Variants in DENND2B observed in about 807,000 individuals in gnomAD.
DENND2B encodes DENN domain containing 2B.
A neutral mutation model predicts 116.0 loss-of-function variants in DENND2B; 32 were observed. The ratio of observed to expected loss-of-function variants is 0.28; its 90% CI spans 0.21 to 0.37. The LOEUF is 0.37. DENND2B is among the 10% of genes least tolerant of loss of function. DENND2B has a pLI of 1.00. For synonymous variants in DENND2B, 588 were observed against 583.9 expected, an observed-to-expected ratio of 1.01 and a Z score of -0.10; for missense variants, 1,276 against 1,477.7, an observed-to-expected ratio of 0.86 and a Z score of 2.24.
chr11:8,760,948 A>G (rs773888866), intron 1 of DENND2B, among the ~76,000 whole-genome samples: 4 of 152,214 alleles, frequency 2.6e-5, no homozygotes, highest in Admixed American at 6.5e-5. Flanking sequence ...CATAATAATC[A>G]GAAAAAAAAG....
upstream of DENND2B, chr11:8,811,318 A>C (rs1436483788): frequency 5.0e-6 from 2 of 398,444 alleles, no homozygotes; most frequent in African/African-American, 4.1e-5. Context: ...GGTGGCGCCT[A>C]AGCAGTCTCT....
At chr11:8,789,685 A>G (rs936171089) in intron 1 of DENND2B, among the ~76,000 whole-genome samples, 1 of 152,218 alleles carries the variant, frequency 6.6e-6, no homozygotes, top group Non-Finnish European at 1.5e-5. Flanking sequence ...AGACAAATCC[A>G]TAATGTGAAA....
At chr11:8,906,492 C>G (rs915864536) in intron 1 of DENND2B, among the ~76,000 whole-genome samples, 3 of 141,226 alleles carry the variant, frequency 2.1e-5, no homozygotes, top group African/African-American at 7.8e-5. Flanking sequence ...AGCCACCGCG[C>G]CCAGCCAAGA....
intron 1 of DENND2B, among the ~76,000 whole-genome samples, chr11:8,906,361 A>G (rs2064237862): frequency 6.6e-6 from 1 of 151,442 alleles, no homozygotes; most frequent in African/African-American, 2.4e-5. Flanking sequence ...CACCACGCCC[A>G]GCTAATTTTT....
intron 1 of DENND2B, among the ~76,000 whole-genome samples, chr11:8,772,092 G>A (rs937252124): frequency 3.3e-5 from 5 of 151,194 alleles, no homozygotes; most frequent in Admixed American, 2.0e-4. Context: ...TCAAGGTGCC[G>A]GGAGGGTGGT....
rs2040371722 is a variant in DENND2B at position 8,696,434 on chromosome 11, C to T, written c.3285G>A (p.Arg1095=). ...FIQDRELRKC[R]AKGLFEQRVE... ...CTGATAACCAAGACTTACCCTTTGC[C>T]CGACACTTTCTTAGCTCCCTGTCTT... is the stretch of plus-strand genomic sequence containing the variant. Residue 1095 remains arginine (R), a synonymous_variant, in exon 18 of 20, where the codon CGG becomes CGA. Coordinates refer to ENST00000313726, the MANE Select transcript of DENND2B (RefSeq NM_213618.2). The T allele has an allele frequency of 6.2e-7, 1 of 1,614,128 alleles. No individual in the cohort carries two copies. Among genetic ancestry groups the T allele is most frequent in the African/African-American group, 1.3e-5 (1 of 75,032 alleles).
intron 4 of DENND2B, among the ~76,000 whole-genome samples, chr11:8,724,958 C>A (rs986862567): frequency 6.6e-6 from 1 of 152,228 alleles, no homozygotes; most frequent in African/African-American, 2.4e-5. Flanking sequence ...TCCACCTGGG[C>A]CTTCTCCACA....
chr11:8,883,958 AC>A (rs1481373331), intron 1 of DENND2B, among the ~76,000 whole-genome samples: 1 of 152,180 alleles, frequency 6.6e-6, no homozygotes, highest in Non-Finnish European at 1.5e-5. Flanking sequence ...AAATGAAGAC[AC>A]CCCATTCTTT....
intron 1 of DENND2B, among the ~76,000 whole-genome samples, chr11:8,881,444 T>C (rs1188513903): frequency 2.0e-5 from 3 of 152,216 alleles, no homozygotes; most frequent in Non-Finnish European, 4.4e-5. Flanking sequence ...TTCTACTGTA[T>C]GGGAAATTTT....
chr11:8,697,571 C>T lies in DENND2B; in HGVS notation c.3006G>A (p.Arg1002=), dbSNP rs2040598239. The change falls in exon 17 of 20, where the codon AGG becomes AGA. Residue 1002 remains arginine, a synonymous_variant. Transcript: ENST00000313726. ...AGTCCTGGGAGATCAGCTCATTCTT[C>T]CTCTCCAGAGCCTGCTCCAGAGCTG... ...LQAALEQALE[R]KNELISQDSD... 6.2e-7 allele frequency: 1 copy of T among 1,614,222 alleles called. No individual in the cohort carries two copies.
At chr11:8,771,276 A>G (rs1008417328) in intron 1 of DENND2B, among the ~76,000 whole-genome samples, 1 of 152,080 alleles carries the variant, frequency 6.6e-6, no homozygotes, top group Non-Finnish European at 1.5e-5. Context: ...TCAGCAGACA[A>G]GGGGAGAAAA....
intron 4 of DENND2B, among the ~76,000 whole-genome samples, chr11:8,720,763 A>C (rs779437191): frequency 6.6e-6 from 1 of 152,200 alleles, no homozygotes; most frequent in Non-Finnish European, 1.5e-5. Context: ...ATGTACAGAG[A>C]CAAGTGGACC....
intron 4 of DENND2B, among the ~76,000 whole-genome samples, chr11:8,829,502 G>A (rs966506173): frequency 1.8e-4 from 27 of 152,080 alleles, no homozygotes; most frequent in Admixed American, 3.3e-4. Context: ...ATGAATCTGA[G>A]AACTAGAAGG....
At chr11:8,831,229 T>G (rs2062192395) in intron 4 of DENND2B, among the ~76,000 whole-genome samples, 1 of 152,096 alleles carries the variant, frequency 6.6e-6, no homozygotes. Flanking sequence ...AAGAATCACA[T>G]AAGTATGTAA....
intron 3 of DENND2B, among the ~76,000 whole-genome samples, chr11:8,855,287 G>C (rs2063155600): frequency 6.6e-6 from 1 of 151,862 alleles, no homozygotes; most frequent in African/African-American, 2.4e-5. Context: ...GCCAAGCAAG[G>C]AGGGGAAGAC....
At chr11:8,727,130 G>A (rs2047210426) in intron 3 of DENND2B, among the ~76,000 whole-genome samples, 1 of 152,110 alleles carries the variant, frequency 6.6e-6, no homozygotes, top group African/African-American at 2.4e-5. Flanking sequence ...CCTCTCCAAG[G>A]CAAGTCCCCG....
intron 2 of DENND2B, among the ~76,000 whole-genome samples, chr11:8,739,890 GA>G (rs1338419395): frequency 3.9e-5 from 6 of 152,142 alleles, no homozygotes; most frequent in Non-Finnish European, 8.8e-5. Flanking sequence ...TAAATTTAAA[GA>G]AAAAGTATTG....
chr11:8,748,707 G>A (rs908385350), intron 2 of DENND2B, among the ~76,000 whole-genome samples: 3 of 152,128 alleles, frequency 2.0e-5, no homozygotes, highest in Non-Finnish European at 4.4e-5. Context: ...GCTTTTTTTA[G>A]GCACATCTGA....
At chr11:8,733,235 C>A (rs911428988) in intron 2 of DENND2B, among the ~76,000 whole-genome samples, 6 of 152,130 alleles carry the variant, frequency 3.9e-5, no homozygotes. Context: ...GGGGGAGATC[C>A]CAACTTCCTC....
Sources: gnomAD v4.1 joint callset for allele counts (sites outside exome capture counted in the v4.1 genomes callset) on GRCh38, gnomAD v4.1.1 for gene constraint, MANE v1.5 for transcripts, NCBI Gene and HGNC (gene_info 2026-07-23, HGNC 2026-07-21) for gene names.